Variants in SYNE3 observed in about 807,000 individuals in gnomAD.
SYNE3 encodes the protein spectrin repeat containing nuclear envelope family member 3.
In SYNE3, 100 loss-of-function variants were observed where a neutral mutation model predicts 111.2. That is an observed-to-expected ratio of 0.90 (90% CI 0.77 to 1.06). The LOEUF is 1.06. SYNE3 is among the 50% of genes least tolerant of loss of function. The pLI, the probability that SYNE3 is intolerant of heterozygous loss-of-function variation, is 0.00. For missense variants in SYNE3, 1,160 were observed against 1,240.3 expected, an observed-to-expected ratio of 0.94 and a Z score of 0.97; for synonymous variants, 547 against 533.9, an observed-to-expected ratio of 1.02 and a Z score of -0.34.
At position 95,428,918 on chromosome 14, in the gene SYNE3, T is replaced by C. The variant is rs1333024145; in HGVS notation, c.2727+3161A>G. On this transcript the variant is annotated intron_variant, in intron 17 of 17. Coordinates refer to ENST00000682763, the MANE Select transcript of SYNE3 (RefSeq NM_152592.6). ...AAAAGTGTGGAGAACCAACTGCTCA[T>C]AAATAATTAGCTTTGGGATAAGTAT... Among the ~76,000 whole-genome samples the C allele has an allele frequency of 3.3e-5, 5 of 152,196 alleles. No individual in the cohort carries two copies. In the South Asian group the frequency reaches 6.2e-4, roughly 19 times the overall value.
At chr14:95,432,157 ATAAGT>A (rs1290713717) in intron 16 of SYNE3, 40 bp from the exon 17 acceptor site, 5 of 1,596,528 alleles carry the variant, frequency 3.1e-6, no homozygotes, top group African/African-American at 1.3e-5. Context: ...GGGGAAAAAA[ATAAGT>A]TAAGTGAGTG....
Position 95,501,749 on chromosome 14 carries a change from C to T in SYNE3, c.-15+14847G>A, listed in dbSNP as rs183212750. ...TGGGGGGAAGCAACAAGATGTGCAG[C>T]GCAGCAAAGCATGAAGTAGCATCTG... On this transcript the variant is annotated intron_variant, in intron 1 of 17. Transcript: ENST00000682763. Among the ~76,000 whole-genome samples the T allele has an allele frequency of 9.2e-5, 14 of 152,248 alleles. No homozygotes were observed. The East Asian group carries it at 9.7e-4, about 11-fold the overall frequency.
rs549394411 is a variant in SYNE3 at position 95,409,658 on chromosome 14, C to T, written c.*8168G>A. 6.7e-5 allele frequency: 22 copies of T among 326,430 alleles called. No individual in the cohort carries two copies. Among genetic ancestry groups the T allele is most frequent in the African/African-American group, 2.4e-4 (11 of 46,524 alleles). 20.2% of individuals were successfully genotyped at this position (326,430 alleles called of 1,614,324 possible). A position where few individuals can be genotyped will look rare whatever the true frequency, so the allele number is the denominator to read the frequency against. On this transcript the variant is annotated 3_prime_UTR_variant, in exon 18 of 18. Coordinates refer to ENST00000682763, the MANE Select transcript of SYNE3 (RefSeq NM_152592.6). Reference sequence around the variant, plus strand: ...GAACCATTTGCTTTTAGACCACGAGCCTGTGTTTTAATGTTCTTTTAGAAA... The same window carrying T: ...GAACCATTTGCTTTTAGACCACGAGTCTGTGTTTTAATGTTCTTTTAGAAA...
At chr14:95,510,024 TAA>T (rs1236088594) in intron 1 of SYNE3, among the ~76,000 whole-genome samples, 1 of 152,148 alleles carries the variant, frequency 6.6e-6, no homozygotes, top group Non-Finnish European at 1.5e-5. Flanking sequence ...AGTATAAGCG[TAA>T]ATCATCTCTG....
At position 95,439,207 on chromosome 14, in the gene SYNE3, G is replaced by C. The variant is rs748816553; in HGVS notation, c.2247-45C>G. On this transcript the variant is annotated intron_variant, in intron 13 of 17. Transcript: ENST00000682763. ...CCAGTCAATGCAGAGATGTGGTGGGGACCCACCAGGACATGGGAAAAGTAA... is the reference window on the plus strand; with the variant it reads ...CCAGTCAATGCAGAGATGTGGTGGGCACCCACCAGGACATGGGAAAAGTAA... 7 of 1,608,408 alleles carry C rather than the reference G, an allele frequency of 4.4e-6. No homozygotes were observed. In the Admixed American group the frequency reaches 1.2e-4, roughly 27 times the overall value.
chr14:95,449,857 G>A (rs1190164265), intron 8 of SYNE3, 74 bp downstream of exon 8: 10 of 1,509,418 alleles, frequency 6.6e-6, no homozygotes, highest in Non-Finnish European at 8.9e-6. Context: ...ACCTTCCCCT[G>A]GGAGAGAGAC....
At chr14:95,446,328 T>A (rs1268717943) in intron 8 of SYNE3, among the ~76,000 whole-genome samples, 1 of 152,208 alleles carries the variant, frequency 6.6e-6, no homozygotes. Flanking sequence ...GTCTTGATAC[T>A]CAAGCCTGAG....
chr14:95,469,531 C>CAAAAAA (rs71132350), intron 2 of SYNE3, among the ~76,000 whole-genome samples: 9 of 99,444 alleles, frequency 9.1e-5, no homozygotes, highest in East Asian at 9.1e-4. Flanking sequence ...CATGTCTCTA[C>CAAAAAA]AAAAAAAAAA....
chr14:95,470,401 G>A lies in SYNE3; in HGVS notation c.145-2434C>T, dbSNP rs1291525029. On this transcript the variant is annotated intron_variant, in intron 2 of 17. Coordinates refer to ENST00000682763, the MANE Select transcript of SYNE3 (RefSeq NM_152592.6). The surrounding 1 kb of genome is among the most constrained non-coding windows in gnomAD (Gnocchi z 4.2). Reference sequence around the variant, plus strand: ...AATCCCAGCAGTTTGGGAGACCAAGGCAGGAGGATCGCTGAGGCCAGGAGT... The same window carrying A: ...AATCCCAGCAGTTTGGGAGACCAAGACAGGAGGATCGCTGAGGCCAGGAGT... 6.6e-6 allele frequency among the ~76,000 whole-genome samples: 1 copy of A among 152,036 alleles called. No homozygotes were observed. The highest frequency in any genetic ancestry group is 1.5e-5 in the Non-Finnish European group (1 of 68,020).
At position 95,409,780 on chromosome 14, in the gene SYNE3, A is replaced by C; in HGVS notation, c.*8046T>G. 8.8e-6 allele frequency: 2 copies of C among 226,558 alleles called. No individual in the cohort carries two copies. The highest frequency in any genetic ancestry group is 1.8e-5 in the Non-Finnish European group (2 of 112,082). 14.0% of individuals were successfully genotyped at this position (226,558 alleles called of 1,614,324 possible). A position where few individuals can be genotyped will look rare whatever the true frequency, so the allele number is the denominator to read the frequency against. The stretch of plus-strand genomic sequence containing the variant: ...GACAGCTGGTTTTAAGTCCTCTTTG[A>C]CTCTGGGCCTCTGCTGAAGCAGCCT... On this transcript the variant is annotated 3_prime_UTR_variant, in exon 18 of 18. Transcript: ENST00000682763.
chr14:95,453,429 G>A (rs1002390627), intron 6 of SYNE3, among the ~76,000 whole-genome samples: 1 of 152,180 alleles, frequency 6.6e-6, no homozygotes, highest in Non-Finnish European at 1.5e-5. Flanking sequence ...AAGGGAGAAA[G>A]CACAAATAGA....
chr14:95,407,527 T>C lies in SYNE3; in HGVS notation c.*10299A>G, dbSNP rs934306498. On this transcript the variant is annotated 3_prime_UTR_variant, in exon 18 of 18. Coordinates refer to ENST00000682763, the MANE Select transcript of SYNE3 (RefSeq NM_152592.6). The stretch of plus-strand genomic sequence containing the variant: ...GATATGAACCGAGATAACACACACA[T>C]GTTCCGAGACAGTCGTTTGGCTCCA... 5 of 152,210 alleles carry C rather than the reference T, an allele frequency of 3.3e-5. 1 individual carries two copies. The highest frequency in any genetic ancestry group is 2.4e-5 in the African/African-American group (1 of 41,512). The allele number at this position is 152,210 out of a possible 1,614,324, so 9.4% of individuals were successfully genotyped here. A position where few individuals can be genotyped will look rare whatever the true frequency, so the allele number is the denominator to read the frequency against.
chr14:95,481,569 C>T (rs964870126), intron 1 of SYNE3, among the ~76,000 whole-genome samples: 5 of 152,178 alleles, frequency 3.3e-5, no homozygotes, highest in African/African-American at 7.2e-5. Context: ...CCACCCAGGG[C>T]GGAGAGGCTG....
At chr14:95,499,083 G>A (rs1890219194) in intron 1 of SYNE3, among the ~76,000 whole-genome samples, 1 of 152,182 alleles carries the variant, frequency 6.6e-6, no homozygotes, top group South Asian at 2.1e-4. Flanking sequence ...GAACCCTTAA[G>A]GAGATCCATG....
intron 17 of SYNE3, among the ~76,000 whole-genome samples, chr14:95,421,070 A>G (rs545622685): frequency 6.6e-6 from 1 of 152,128 alleles, no homozygotes; most frequent in Non-Finnish European, 1.5e-5. Context: ...GCTGCCATGT[A>G]AGATGTGCCT....
intron 11 of SYNE3, 22 bp from the exon 12 acceptor site, chr14:95,440,097 C>T (rs373568939): frequency 5.1e-6 from 8 of 1,576,578 alleles, no homozygotes; most frequent in African/African-American, 1.3e-5. Flanking sequence ...CCCGGGGAGC[C>T]CAGGGCATCC....
chr14:95,486,898 G>T (rs541969234), intron 1 of SYNE3, among the ~76,000 whole-genome samples: 2 of 152,346 alleles, frequency 1.3e-5, no homozygotes, highest in African/African-American at 2.4e-5. Flanking sequence ...GAAGGATAAA[G>T]TCAGTGTTCC....
intron 1 of SYNE3, among the ~76,000 whole-genome samples, chr14:95,481,017 C>T (rs546724362): frequency 2.0e-4 from 31 of 152,238 alleles, no homozygotes; most frequent in South Asian, 6.2e-4. Flanking sequence ...GGCACAGCAG[C>T]GGCATCTACC....
rs377142000 is a variant in SYNE3, at chr14:95,457,344, G to T, written c.628-6C>A. The T allele has an allele frequency of 5.4e-5, 87 of 1,612,148 alleles. No individual in the cohort carries two copies. The highest frequency in any genetic ancestry group is 6.4e-5 in the Non-Finnish European group (75 of 1,178,896). On this transcript the variant is annotated splice_region_variant and splice_polypyrimidine_tract_variant and intron_variant, in intron 4 of 17. Coordinates refer to ENST00000682763, the MANE Select transcript of SYNE3 (RefSeq NM_152592.6). ...TCCAGCAGATCTACACGCTTCTGTG[G>T]GAGGAGGAGAATCACCAGCCATGAG...
Sources: gnomAD v4.1 joint callset for allele counts (sites outside exome capture counted in the v4.1 genomes callset) on GRCh38, gnomAD v4.1.1 for gene constraint, Gnocchi (gnomAD v3.1) non-coding constraint, MANE v1.5 for transcripts, NCBI Gene and HGNC (gene_info 2026-07-23, HGNC 2026-07-21) for gene names.